The following CEBPA variants were observed in gnomAD, a reference collection of about 807,000 sequenced individuals.
CEBPA encodes the protein CCAAT/enhancer-binding protein alpha.
In CEBPA, 2 loss-of-function variants were observed where a neutral mutation model predicts 5.1. The ratio of observed to expected loss-of-function variants is 0.39; its 90% CI spans 0.16 to 1.23. The LOEUF (loss-of-function observed/expected upper bound fraction) is 1.23. Ranked by LOEUF, CEBPA falls within the 50% of genes most tolerant of loss-of-function variation. The probability of loss-of-function intolerance (pLI) is 0.34; values close to 1 mark genes in which losing one functional copy is unlikely to be tolerated. For synonymous variants in CEBPA, 275 were observed against 264.1 expected, an observed-to-expected ratio of 1.04 and a Z score of -0.40; for missense variants, 455 against 537.4, an observed-to-expected ratio of 0.85 and a Z score of 1.52.
Position 33,302,482 on chromosome 19 carries a change from C to A in CEBPA, c.-68G>T. The A allele has an allele frequency of 9.2e-7, 1 of 1,081,608 alleles. No individual in the cohort carries two copies. Among genetic ancestry groups the A allele is most frequent in the Non-Finnish European group, 1.2e-6 (1 of 850,134 alleles). The allele number at this position is 1,081,608 out of a possible 1,614,324, so 67.0% of individuals were successfully genotyped here. ...TCCAGCCTGCGCGGGGCGTCGCCGC[C>A]GCCCACCCGGAGACCCTGCTCGCCC... On this transcript the variant is annotated 5_prime_UTR_variant, in exon 1 of 1. Transcript: ENST00000498907.
Position 33,302,070 on chromosome 19 carries a change from G to C in CEBPA, c.345C>G (p.Pro115=), listed in dbSNP as rs1001507122. ...DFDYPGAPAG[P]GGAVMPGGAH... ...CTCCCCCGGGCATGACGGCGCCGCCGGGGCCCGCGGGCGCGCCCGGGTAGT... is the reference window on the plus strand; with the variant it reads ...CTCCCCCGGGCATGACGGCGCCGCCCGGGCCCGCGGGCGCGCCCGGGTAGT... Residue 115 remains proline (P), a synonymous_variant, in exon 1 of 1, where the codon CCC becomes CCG. Coordinates refer to ENST00000498907, the MANE Select transcript of CEBPA (RefSeq NM_004364.5). 4 of 1,230,728 alleles carry C rather than the reference G, an allele frequency of 3.3e-6. No homozygotes were observed. The African/African-American group carries it at 4.8e-5, about 15-fold the overall frequency. 76.2% of individuals were successfully genotyped at this position (1,230,728 alleles called of 1,614,324 possible).
At position 33,302,481 on chromosome 19, in the gene CEBPA, C is replaced by T; in HGVS notation, c.-67G>A. 1 of 1,080,116 alleles carries T rather than the reference C, an allele frequency of 9.3e-7. No homozygotes were observed. The highest frequency in any genetic ancestry group is 1.2e-6 in the Non-Finnish European group (1 of 848,626). 66.9% of individuals were successfully genotyped at this position (1,080,116 alleles called of 1,614,324 possible). A position where few individuals can be genotyped will look rare whatever the true frequency, so the allele number is the denominator to read the frequency against. On this transcript the variant is annotated 5_prime_UTR_variant, in exon 1 of 1. Transcript: ENST00000498907. ...CTCCAGCCTGCGCGGGGCGTCGCCG[C>T]CGCCCACCCGGAGACCCTGCTCGCC... is the stretch of plus-strand genomic sequence containing the variant.
At position 33,301,342 on chromosome 19, in the gene CEBPA, G is replaced by C. The variant is rs577659401; in HGVS notation, c.1073C>G (p.Ala358Gly). The change falls in exon 1 of 1, where the codon GCG becomes GGG. Residue 358 changes from alanine to glycine, a missense_variant. Physicochemically the swap from Ala to Gly is moderately conservative, Grantham distance 60 (BLOSUM62 0). This residue lies in a region of CEBPA where 38 missense variants were observed against 30.3 expected (regional missense o/e 1.25). Coordinates refer to ENST00000498907, the MANE Select transcript of CEBPA (RefSeq NM_004364.5). The surrounding 1 kb of genome is among the most constrained non-coding windows in gnomAD (Gnocchi z 6.0). ...SSLVKAMGNC[A>G] ...GCGGTCCCACAGCCGCGCGCCTCAC[G>C]CGCAGTTGCCCATGGCCTTGACCAA... The C allele has an allele frequency of 1.9e-6, 3 of 1,595,078 alleles. No individual in the cohort carries two copies. The highest frequency in any genetic ancestry group is 4.5e-5 in the East Asian group (2 of 44,350).
rs1967150654 is a variant in CEBPA, at chr19:33,301,251, C to T, written c.*87G>A. ...TCTCCTAGTCCTGGCTCGCACGGCT[C>T]GGGCAAGCCTCGAGATCCGGCGACC... On this transcript the variant is annotated 3_prime_UTR_variant, in exon 1 of 1. Coordinates refer to ENST00000498907, the MANE Select transcript of CEBPA (RefSeq NM_004364.5). This position sits in a 1 kb window ranked among gnomAD's most constrained non-coding sequence, Gnocchi z 6.0. 3 of 1,482,804 alleles carry T rather than the reference C, an allele frequency of 2.0e-6. No homozygotes were observed. The highest frequency in any genetic ancestry group is 2.5e-5 in the East Asian group (1 of 40,484). 91.9% of individuals were successfully genotyped at this position (1,482,804 alleles called of 1,614,324 possible). A position where few individuals can be genotyped will look rare whatever the true frequency, so the allele number is the denominator to read the frequency against.
In CEBPA at chr19:33,301,141, C is replaced by G. The variant is rs998687543; in HGVS notation, c.*197G>C. On this transcript the variant is annotated 3_prime_UTR_variant, in exon 1 of 1. Transcript: ENST00000498907. This position sits in a 1 kb window ranked among gnomAD's most constrained non-coding sequence, Gnocchi z 6.0. Reference sequence around the variant, plus strand: ...CTCGCAGGGAGAAGCCACCGCCTGGCCCCCTCATCTTAGACGCACCAAGTC... The same window carrying G: ...CTCGCAGGGAGAAGCCACCGCCTGGGCCCCTCATCTTAGACGCACCAAGTC... 8.6e-6 allele frequency: 8 copies of G among 928,588 alleles called. No homozygotes were observed. Among genetic ancestry groups the G allele is most frequent in the South Asian group, 1.8e-5 (1 of 55,420 alleles). 57.5% of individuals were successfully genotyped at this position (928,588 alleles called of 1,614,324 possible). A position where few individuals can be genotyped will look rare whatever the true frequency, so the allele number is the denominator to read the frequency against.
rs1317158199 is a variant in CEBPA at position 33,301,358 on chromosome 19, C to T, written c.1057G>A (p.Ala353Thr). ...RQLPESSLVKAMGNCA is the reference protein window; with the variant it reads ...RQLPESSLVKTMGNCA ...GCGCCTCACGCGCAGTTGCCCATGG[C>T]CTTGACCAAGGAGCTCTCTGGCAGC... Residue 353 changes from alanine (A) to threonine (T), a missense_variant, in exon 1 of 1, where the codon GCC becomes ACC. Transcript: ENST00000498907. This position sits in a 1 kb window ranked among gnomAD's most constrained non-coding sequence, Gnocchi z 6.0. 3 of 1,602,940 alleles carry T rather than the reference C, an allele frequency of 1.9e-6. No homozygotes were observed. The highest frequency in any genetic ancestry group is 1.1e-5 in the South Asian group (1 of 90,582).
rs1182400056 is a variant in CEBPA at position 33,301,115 on chromosome 19, C to T, written c.*223G>A. On this transcript the variant is annotated 3_prime_UTR_variant, in exon 1 of 1. Coordinates refer to ENST00000498907, the MANE Select transcript of CEBPA (RefSeq NM_004364.5). This position sits in a 1 kb window ranked among gnomAD's most constrained non-coding sequence, Gnocchi z 6.0. ...AGCTCAGCCCCAAGAATTCTCCCCT[C>T]CTCGCAGGGAGAAGCCACCGCCTGG... is the stretch of plus-strand genomic sequence containing the variant. 8.5e-6 allele frequency: 6 copies of T among 706,666 alleles called. No individual in the cohort carries two copies. The Admixed American group carries it at 1.2e-4, about 14-fold the overall frequency. 43.8% of individuals were successfully genotyped at this position (706,666 alleles called of 1,614,324 possible).
rs587778192 is a variant in CEBPA at position 33,301,406 on chromosome 19, T to A, written c.1009A>T (p.Thr337Ser). 1.3e-4 allele frequency: 214 copies of A among 1,611,106 alleles called. No homozygotes were observed. The highest frequency in any genetic ancestry group is 1.8e-4 in the Non-Finnish European group (209 of 1,179,720). The change falls in exon 1 of 1, where the codon ACG (threonine) becomes TCG (serine). Residue 337 changes from threonine to serine, a missense_variant. Around this residue, in one of 5 missense-constraint regions of CEBPA, gnomAD observed 38 missense variants for 30.3 expected, o/e 1.25. Transcript: ENST00000498907. The surrounding 1 kb of genome is among the most constrained non-coding windows in gnomAD (Gnocchi z 6.0). ...RVEQLSRELD[T>S]LRGIFRQLPE... ...AGCTGGCGGAAGATGCCCCGCAGCG[T>A]GTCCAGTTCGCGGCTCAGCTGTTCC... is the stretch of plus-strand genomic sequence containing the variant.
At position 33,300,395 on chromosome 19, in the gene CEBPA, G is replaced by T; in HGVS notation, c.*943C>A. The T allele has an allele frequency of 4.3e-6, 1 of 233,790 alleles. No individual in the cohort carries two copies. Among genetic ancestry groups the T allele is most frequent in the Non-Finnish European group, 8.5e-6 (1 of 118,090 alleles). The allele number at this position is 233,790 out of a possible 1,614,324, so 14.5% of individuals were successfully genotyped here. On this transcript the variant is annotated 3_prime_UTR_variant, in exon 1 of 1. Transcript: ENST00000498907. ...AGGCCAGATACAAGTGTTGATATCG[G>T]CTGATAAAGCAAAATATTTGGAAAG...
rs1967209502 is a variant in CEBPA, at chr19:33,302,485, C to T, written c.-71G>A. ...AGCCTGCGCGGGGCGTCGCCGCCGC[C>T]CACCCGGAGACCCTGCTCGCCCGCG... On this transcript the variant is annotated 5_prime_UTR_variant, in exon 1 of 1. Transcript: ENST00000498907. The T allele has an allele frequency of 2.9e-6, 3 of 1,044,526 alleles. No homozygotes were observed. The Admixed American group carries it at 1.3e-4, about 46-fold the overall frequency. 64.7% of individuals were successfully genotyped at this position (1,044,526 alleles called of 1,614,324 possible).
At position 33,301,968 on chromosome 19, in the gene CEBPA, G is replaced by C. The variant is rs1967184069; in HGVS notation, c.447C>G (p.Arg149=). Residue 149 remains arginine, a synonymous_variant, in exon 1 of 1, where the codon CGC becomes CGG. Transcript: ENST00000498907. The surrounding 1 kb of genome is among the most constrained non-coding windows in gnomAD (Gnocchi z 6.0). ...GCGGCCGCAGCGCCGGCGCCCCGAC[G>C]CGCTCGTACAGGGGCTCCAGCCTGC... ...LDGRLEPLYE[R]VGAPALRPLV... 8.0e-7 allele frequency: 1 copy of C among 1,243,550 alleles called. No individual in the cohort carries two copies. 77.0% of individuals were successfully genotyped at this position (1,243,550 alleles called of 1,614,324 possible). A position where few individuals can be genotyped will look rare whatever the true frequency, so the allele number is the denominator to read the frequency against.
At position 33,301,852 on chromosome 19, in the gene CEBPA, G is replaced by T. The variant is rs1568419813; in HGVS notation, c.563C>A (p.Pro188Gln). 2.3e-6 allele frequency: 3 copies of T among 1,312,442 alleles called. No homozygotes were observed. Among genetic ancestry groups the T allele is most frequent in the African/African-American group, 1.6e-5 (1 of 64,136 alleles). 81.3% of individuals were successfully genotyped at this position (1,312,442 alleles called of 1,614,324 possible). A position where few individuals can be genotyped will look rare whatever the true frequency, so the allele number is the denominator to read the frequency against. ...CGGGTGCGGGTGCGGGTGCGAGGGC[G>T]GCGGCGGCGGCGGCGGCTGGTAAGG... ...LFPYQPPPPPPPSHPHPHPPP... is the reference protein window; with the variant it reads ...LFPYQPPPPPQPSHPHPHPPP... Residue 188 changes from proline to glutamine, a missense_variant, in exon 1 of 1, where the codon CCG (proline) becomes CAG (glutamine). This residue lies in a region of CEBPA where 141 missense variants were observed against 124.1 expected (regional missense o/e 1.14). Coordinates refer to ENST00000498907, the MANE Select transcript of CEBPA (RefSeq NM_004364.5). The surrounding 1 kb of genome is among the most constrained non-coding windows in gnomAD (Gnocchi z 6.0).
At position 33,301,386 on chromosome 19, in the gene CEBPA, G is replaced by A. The variant is rs1445739654; in HGVS notation, c.1029C>T (p.Arg343=). 2 of 1,608,808 alleles carry A rather than the reference G, an allele frequency of 1.2e-6. No homozygotes were observed. Among genetic ancestry groups the A allele is most frequent in the Non-Finnish European group, 1.7e-6 (2 of 1,179,482 alleles). Residue 343 remains arginine, a synonymous_variant, in exon 1 of 1, where the codon CGC becomes CGT. Transcript: ENST00000498907. The surrounding 1 kb of genome is among the most constrained non-coding windows in gnomAD (Gnocchi z 6.0). ...RELDTLRGIF[R]QLPESSLVKA... ...TGACCAAGGAGCTCTCTGGCAGCTGGCGGAAGATGCCCCGCAGCGTGTCCA... is the reference window on the plus strand; with the variant it reads ...TGACCAAGGAGCTCTCTGGCAGCTGACGGAAGATGCCCCGCAGCGTGTCCA...
Position 33,301,644 on chromosome 19 carries a change from G to T in CEBPA, c.771C>A (p.Gly257=). 1.3e-6 allele frequency: 2 copies of T among 1,543,684 alleles called. No individual in the cohort carries two copies. Among genetic ancestry groups the T allele is most frequent in the East Asian group, 2.4e-5 (1 of 40,866 alleles). The part of the protein sequence containing the change: ...PGPGSALKGL[G]AAHPDLRASG... Reference sequence around the variant, plus strand: ...TCGCGCGGAGGTCGGGGTGCGCGGCGCCCAGCCCCTTGAGCGCGCTGCCAG... The same window carrying T: ...TCGCGCGGAGGTCGGGGTGCGCGGCTCCCAGCCCCTTGAGCGCGCTGCCAG... Residue 257 remains glycine (G), a synonymous_variant, in exon 1 of 1, where the codon GGC becomes GGA. Coordinates refer to ENST00000498907, the MANE Select transcript of CEBPA (RefSeq NM_004364.5). This position sits in a 1 kb window ranked among gnomAD's most constrained non-coding sequence, Gnocchi z 6.0.
At position 33,301,284 on chromosome 19, in the gene CEBPA, A is replaced by G. The variant is rs1017549520; in HGVS notation, c.*54T>C. The G allele has an allele frequency of 6.6e-5, 101 of 1,524,512 alleles. No homozygotes were observed. The highest frequency in any genetic ancestry group is 2.4e-5 in the East Asian group (1 of 40,940). 94.4% of individuals were successfully genotyped at this position (1,524,512 alleles called of 1,614,324 possible). ...CCTCGAGATCCGGCGACCCCAAACCACTCCCTGGGTCCCCGCCGGAGGCTG... is the reference window on the plus strand; with the variant it reads ...CCTCGAGATCCGGCGACCCCAAACCGCTCCCTGGGTCCCCGCCGGAGGCTG... On this transcript the variant is annotated 3_prime_UTR_variant, in exon 1 of 1. Coordinates refer to ENST00000498907, the MANE Select transcript of CEBPA (RefSeq NM_004364.5). This position sits in a 1 kb window ranked among gnomAD's most constrained non-coding sequence, Gnocchi z 6.0.
chr19:33,300,272 G>C lies in CEBPA; in HGVS notation c.*1066C>G. 4.3e-6 allele frequency: 1 copy of C among 233,768 alleles called. No individual in the cohort carries two copies. Among genetic ancestry groups the C allele is most frequent in the East Asian group, 6.0e-5 (1 of 16,664 alleles). The allele number at this position is 233,768 out of a possible 1,614,324, so 14.5% of individuals were successfully genotyped here. On this transcript the variant is annotated 3_prime_UTR_variant, in exon 1 of 1. Transcript: ENST00000498907. ...CCGACGGAGAGTCTCATTTTGGCAAGTATCCGAGCAAAACCAAAACAAAAC... is the reference window on the plus strand; with the variant it reads ...CCGACGGAGAGTCTCATTTTGGCAACTATCCGAGCAAAACCAAAACAAAAC...
In CEBPA at chr19:33,301,907, C is replaced by T. The variant is rs1206396303; in HGVS notation, c.508G>A (p.Ala170Thr). 3.9e-6 allele frequency: 5 copies of T among 1,284,290 alleles called. No individual in the cohort carries two copies. The South Asian group carries it at 7.9e-5, about 20-fold the overall frequency. 79.6% of individuals were successfully genotyped at this position (1,284,290 alleles called of 1,614,324 possible). The change falls in exon 1 of 1, where the codon GCC (alanine) becomes ACC (threonine). Residue 170 changes from alanine to threonine, a missense_variant. Ala to Thr is a moderately conservative substitution (Grantham distance 58, BLOSUM62 0). Around this residue, in one of 5 missense-constraint regions of CEBPA, gnomAD observed 141 missense variants for 124.1 expected, o/e 1.14. Transcript: ENST00000498907. This position sits in a 1 kb window ranked among gnomAD's most constrained non-coding sequence, Gnocchi z 6.0. ...IKQEPREEDE[A>T]KQLALAGLFP... ...AGGCCGGCCAGCGCCAGCTGCTTGG[C>T]TTCATCCTCCTCGCGGGGCTCCTGC...
In CEBPA at chr19:33,302,034, G is replaced by T; in HGVS notation, c.381C>A (p.Pro127=). ...CGGCCGCGCAGCCGTAGCCGGGCGGGGGCCCGTGCGCTCCCCCGGGCATGA... is the reference window on the plus strand; with the variant it reads ...CGGCCGCGCAGCCGTAGCCGGGCGGTGGCCCGTGCGCTCCCCCGGGCATGA... ...GAVMPGGAHG[P]PPGYGCAAAG... Residue 127 remains proline (P), a synonymous_variant, in exon 1 of 1, where the codon CCC becomes CCA. Coordinates refer to ENST00000498907, the MANE Select transcript of CEBPA (RefSeq NM_004364.5). 1 of 1,185,186 alleles carries T rather than the reference G, an allele frequency of 8.4e-7. No individual in the cohort carries two copies. The highest frequency in any genetic ancestry group is 1.0e-6 in the Non-Finnish European group (1 of 955,750). The allele number at this position is 1,185,186 out of a possible 1,614,324, so 73.4% of individuals were successfully genotyped here. A position where few individuals can be genotyped will look rare whatever the true frequency, so the allele number is the denominator to read the frequency against.
In CEBPA at chr19:33,302,423, T is replaced by TA. The variant is rs1967205963; in HGVS notation, c.-10dup. ...AAGTCGGCCGACTCCATGGGGGAGT[T>TA]AGAGTTCTCCCGGCATGGCGAGCCT... On this transcript the variant is annotated 5_prime_UTR_variant, in exon 1 of 1. An upstream open reading frame in the 5' UTR loses its in-frame stop. Transcript: ENST00000498907. The TA allele has an allele frequency of 1.2e-5, 15 of 1,262,054 alleles. No individual in the cohort carries two copies. The highest frequency in any genetic ancestry group is 3.1e-5 in the African/African-American group (2 of 63,680). The allele number at this position is 1,262,054 out of a possible 1,614,324, so 78.2% of individuals were successfully genotyped here. A position where few individuals can be genotyped will look rare whatever the true frequency, so the allele number is the denominator to read the frequency against.
Sources: allele counts gnomAD v4.1 joint callset, GRCh38; gene constraint gnomAD v4.1.1; regional missense constraint gnomAD v4.1.1; non-coding constraint Gnocchi (gnomAD v3.1); transcripts MANE v1.5; gene names NCBI Gene and HGNC (gene_info 2026-07-23, HGNC 2026-07-21).